The following GALNT13 variants were observed in gnomAD, a reference collection of about 807,000 sequenced individuals.
GALNT13 encodes polypeptide N-acetylgalactosaminyltransferase 13.
In GALNT13, 28 loss-of-function variants were observed where a neutral mutation model predicts 64.2. That is an observed-to-expected ratio of 0.44 (90% CI 0.32 to 0.60). The LOEUF (loss-of-function observed/expected upper bound fraction) is 0.60, where lower values mean the gene tolerates loss of function less well. Ranked by LOEUF, GALNT13 falls within the 20% of genes least tolerant of loss-of-function variation. The pLI, the probability that GALNT13 is intolerant of heterozygous loss-of-function variation, is 0.05. For missense variants in GALNT13, 577 were observed against 669.8 expected, an observed-to-expected ratio of 0.86 and a Z score of 1.53; for synonymous variants, 214 against 224.6, an observed-to-expected ratio of 0.95 and a Z score of 0.42.
the GALNT13 span, among the ~76,000 whole-genome samples, chr2:153,485,062 T>A: frequency 2.6e-3 from 401 of 152,340 alleles, 20 homozygotes; most frequent in East Asian, 0.071. Context: ...TGGTACCTTG[T>A]TTGAAGTTGC....
intron 3 of GALNT13, among the ~76,000 whole-genome samples, chr2:154,077,340 T>G (rs2105404393): frequency 6.6e-6 from 1 of 151,656 alleles, no homozygotes; most frequent in Admixed American, 6.6e-5. Context: ...GGTTTATGTC[T>G]AATCTTTGAA....
At chr2:153,745,008 A>G in the GALNT13 span, among the ~76,000 whole-genome samples, 2 of 152,168 alleles carry the variant, frequency 1.3e-5, no homozygotes, top group Admixed American at 6.6e-5. Flanking sequence ...CTTAGGATGA[A>G]CAACAGACCA....
intron 3 of GALNT13, among the ~76,000 whole-genome samples, chr2:154,068,693 G>A (rs571226477): frequency 6.6e-6 from 1 of 152,098 alleles, no homozygotes; most frequent in South Asian, 2.1e-4. Flanking sequence ...AACTCAGAGA[G>A]AGAGTGGAAT....
At chr2:154,129,008 C>T (rs1682458937) in intron 3 of GALNT13, among the ~76,000 whole-genome samples, 1 of 152,020 alleles carries the variant, frequency 6.6e-6, no homozygotes, top group African/African-American at 2.4e-5. Context: ...AAATGCAAAT[C>T]TTACAAATAT....
chr2:153,870,610 T>C (rs1336398750), upstream of GALNT13, among the ~76,000 whole-genome samples: 3 of 151,724 alleles, frequency 2.0e-5, no homozygotes, highest in African/African-American at 4.8e-5. Flanking sequence ...GGATGGACAA[T>C]GTAGGAGGAG....
At chr2:153,793,107 G>A in the GALNT13 span, among the ~76,000 whole-genome samples, 5 of 151,640 alleles carry the variant, frequency 3.3e-5, no homozygotes, top group Non-Finnish European at 7.4e-5. Flanking sequence ...GGGTAGCTGA[G>A]ACTATAGGCA....
At chr2:153,913,990 C>T (rs1689159346) in intron 2 of GALNT13, among the ~76,000 whole-genome samples, 1 of 152,012 alleles carries the variant, frequency 6.6e-6, no homozygotes, top group Admixed American at 6.5e-5. Context: ...TAAATATCGC[C>T]CTTGCATATA....
the GALNT13 span, among the ~76,000 whole-genome samples, chr2:153,129,062 C>A: frequency 6.6e-6 from 1 of 152,106 alleles, no homozygotes. Flanking sequence ...TAAGAGTATG[C>A]CCTGAGCACA....
At chr2:153,294,609 A>C in the GALNT13 span, among the ~76,000 whole-genome samples, 2 of 152,172 alleles carry the variant, frequency 1.3e-5, no homozygotes, top group Admixed American at 6.5e-5. Context: ...AATAAATAAC[A>C]GATGTTGAAT....
the GALNT13 span, among the ~76,000 whole-genome samples, chr2:153,334,784 C>G: frequency 6.6e-6 from 1 of 151,816 alleles, no homozygotes. Flanking sequence ...CTTCTTTTTT[C>G]TTTAAATACA....
chr2:154,389,144 G>A (rs1480409957), intron 9 of GALNT13, among the ~76,000 whole-genome samples: 1 of 151,966 alleles, frequency 6.6e-6, no homozygotes, highest in South Asian at 2.1e-4. Flanking sequence ...TTTTGGGGGG[G>A]TGGTTTTTTG....
chr2:153,776,550 A>C, the GALNT13 span, among the ~76,000 whole-genome samples: 7 of 152,242 alleles, frequency 4.6e-5, no homozygotes, highest in African/African-American at 1.7e-4. Flanking sequence ...CCAACAAAGC[A>C]TTAACATCCT....
At position 154,043,455 on chromosome 2, in the gene GALNT13, T is replaced by TATATATATACAC. The variant is rs1341373277; in HGVS notation, c.143-96881_143-96880insTATATATACACA. ...ATATATATATATATATATATATATA[T>TATATATATACAC]ACACACATGTATACATAAAAACATG... On this transcript the variant is annotated intron_variant, in intron 3 of 12. Transcript: ENST00000392825. Among the ~76,000 whole-genome samples the TATATATATACAC allele has an allele frequency of 6.4e-3, 673 of 104,428 alleles. 8 individuals are homozygous for TATATATATACAC. Among genetic ancestry groups the TATATATATACAC allele is most frequent in the East Asian group, 0.028 (43 of 1,532 alleles). 68.5% of individuals were successfully genotyped at this position (104,428 alleles called of 152,430 possible).
chr2:154,110,370 GAGAGAGAC>G (rs1483831737), intron 3 of GALNT13, among the ~76,000 whole-genome samples: 1,321 of 104,150 alleles, frequency 0.013, 43 homozygotes, highest in East Asian at 0.1. Flanking sequence ...GAGAGAGAGA[GAGAGAGAC>G]AGAGAGAGAG....
chr2:154,021,609 A>G (rs920528007), intron 3 of GALNT13, among the ~76,000 whole-genome samples: 4 of 151,680 alleles, frequency 2.6e-5, no homozygotes, highest in Admixed American at 6.6e-5. Context: ...GGGCTGAGAC[A>G]TTGGGGTTTT....
the GALNT13 span, among the ~76,000 whole-genome samples, chr2:153,514,486 A>ACCTTGCCAAGAATGGTAT: frequency 1.3e-5 from 2 of 152,120 alleles, no homozygotes; most frequent in East Asian, 3.9e-4. Context: ...AAGAATGGTA[A>ACCTTGCCAAGAATGGTAT]CCTTGAGGGA....
chr2:153,581,637 G>T, the GALNT13 span, among the ~76,000 whole-genome samples: 1 of 152,004 alleles, frequency 6.6e-6, no homozygotes, highest in East Asian at 1.9e-4. Flanking sequence ...GTGTATGGAT[G>T]TTCTTTTGAT....
intron 4 of GALNT13, among the ~76,000 whole-genome samples, chr2:154,169,260 T>C (rs1278280881): frequency 6.6e-6 from 1 of 152,124 alleles, no homozygotes; most frequent in Non-Finnish European, 1.5e-5. Context: ...ATCCACACTA[T>C]AGCAACAAAT....
intron 8 of GALNT13, among the ~76,000 whole-genome samples, chr2:154,299,167 AAGAT>A (rs201349553): frequency 0.042 from 6,278 of 151,000 alleles, 183 homozygotes; most frequent in Non-Finnish European, 0.058. Context: ...AGCTATTTGA[AAGAT>A]AGACGACTTT....
Sources: allele counts gnomAD v4.1 joint callset (sites outside exome capture counted in the v4.1 genomes callset), GRCh38; gene constraint gnomAD v4.1.1; transcripts MANE v1.5; gene names NCBI Gene and HGNC (gene_info 2026-07-23, HGNC 2026-07-21).